CSMD1: variants seen among roughly 807,000 people sequenced by gnomAD.
CSMD1 encodes the protein CUB and Sushi multiple domains 1, also known as CUB and sushi domain-containing protein 1.
In CSMD1, 213 loss-of-function variants were observed where a neutral mutation model predicts 417.5. The observed-to-expected ratio is 0.51, with a 90% CI of 0.46 to 0.57. The LOEUF (loss-of-function observed/expected upper bound fraction) is 0.57, where lower values mean the gene tolerates loss of function less well. Ranked by LOEUF, CSMD1 falls within the 20% of genes least tolerant of loss-of-function variation. The pLI is 0.00. For synonymous variants in CSMD1, 2,862 were observed against 1,736.8 expected, an observed-to-expected ratio of 1.65 and a Z score of -16.11; for missense variants, 6,923 against 4,529.7, an observed-to-expected ratio of 1.53 and a Z score of -15.17.
intron 32 of CSMD1, among the ~76,000 whole-genome samples, chr8:3,200,644 A>G (rs1485466846): frequency 6.6e-6 from 1 of 151,944 alleles, no homozygotes; most frequent in Non-Finnish European, 1.5e-5. Flanking sequence ...TGTGTCAAGC[A>G]GTGGTGGGAG....
intron 3 of CSMD1, among the ~76,000 whole-genome samples, chr8:4,318,658 T>TTC (rs35236543): frequency 0.71 from 106,950 of 151,286 alleles, 41,573 homozygotes; most frequent in East Asian, 0.99. Flanking sequence ...ACGTCACTGA[T>TTC]TGTTTTTGAT....
At chr8:3,158,720 C>G (rs997916816) in intron 38 of CSMD1, among the ~76,000 whole-genome samples, 13 of 151,972 alleles carry the variant, frequency 8.6e-5, no homozygotes, top group African/African-American at 3.1e-4. Flanking sequence ...AGAGGTGATC[C>G]ATGAGACCTC....
chr8:4,029,796 T>A (rs1468131207), intron 4 of CSMD1, among the ~76,000 whole-genome samples: 5 of 152,180 alleles, frequency 3.3e-5, no homozygotes, highest in African/African-American at 1.2e-4. Flanking sequence ...AGTATCTTCC[T>A]CTTATGAACC....
intron 3 of CSMD1, among the ~76,000 whole-genome samples, chr8:4,212,636 C>G (rs535053011): frequency 1.3e-5 from 2 of 151,686 alleles, no homozygotes; most frequent in South Asian, 4.2e-4. Flanking sequence ...ACTACTGCCA[C>G]CATGTTATCA....
At chr8:3,689,221 C>A (rs1431077340) in intron 7 of CSMD1, among the ~76,000 whole-genome samples, 5 of 152,204 alleles carry the variant, frequency 3.3e-5, no homozygotes, top group Non-Finnish European at 7.3e-5. Flanking sequence ...CACCTCCCCA[C>A]CTTCTAACTT....
intron 3 of CSMD1, among the ~76,000 whole-genome samples, chr8:4,314,248 G>A (rs531468239): frequency 6.6e-6 from 1 of 152,044 alleles, no homozygotes; most frequent in South Asian, 2.1e-4. Flanking sequence ...ATGCCACATG[G>A]AATACAACAG....
intron 30 of CSMD1, among the ~76,000 whole-genome samples, chr8:3,209,512 G>T (rs1797483467): frequency 6.6e-6 from 1 of 151,920 alleles, no homozygotes; most frequent in South Asian, 2.1e-4. Flanking sequence ...GTGGAAACGG[G>T]GTTTCACCAT....
At chr8:3,837,110 T>C (rs1214097139) in intron 5 of CSMD1, among the ~76,000 whole-genome samples, 1 of 150,940 alleles carries the variant, frequency 6.6e-6, no homozygotes, top group Non-Finnish European at 1.5e-5. Flanking sequence ...TAGATTACCA[T>C]TCAGTATTAA....
intron 5 of CSMD1, among the ~76,000 whole-genome samples, chr8:3,937,803 C>A (rs2930333): frequency 3.9e-5 from 6 of 152,010 alleles, no homozygotes; most frequent in Non-Finnish European, 8.8e-5. Flanking sequence ...AATGTTACTT[C>A]AATTACTGCT....
chr8:3,564,380 A>G (rs1799604682), intron 10 of CSMD1, among the ~76,000 whole-genome samples: 1 of 152,212 alleles, frequency 6.6e-6, no homozygotes, highest in East Asian at 1.9e-4. Flanking sequence ...AAACCTAGAC[A>G]TTCATTCACT....
chr8:2,968,081 T>C (rs591987), intron 57 of CSMD1, among the ~76,000 whole-genome samples: 28,374 of 152,102 alleles, frequency 0.19, 2,824 homozygotes, highest in East Asian at 0.41. Flanking sequence ...TATTTACCAA[T>C]CCAGAAGCAC....
intron 3 of CSMD1, among the ~76,000 whole-genome samples, chr8:4,203,706 A>G (rs902952651): frequency 1.3e-5 from 2 of 152,244 alleles, no homozygotes; most frequent in South Asian, 4.1e-4. Flanking sequence ...ACACAAACAT[A>G]CACACACATA....
chr8:4,306,474 C>T (rs1007335827), intron 3 of CSMD1, among the ~76,000 whole-genome samples: 12 of 152,174 alleles, frequency 7.9e-5, no homozygotes, highest in African/African-American at 2.7e-4. Context: ...ATTGTGAATG[C>T]CTCAGCAGGG....
At chr8:4,100,637 T>C (rs868681975) in intron 3 of CSMD1, among the ~76,000 whole-genome samples, 5 of 152,128 alleles carry the variant, frequency 3.3e-5, no homozygotes, top group Non-Finnish European at 7.3e-5. Context: ...GGGATAAGTA[T>C]GTCCATCATT....
intron 9 of CSMD1, among the ~76,000 whole-genome samples, chr8:3,581,493 G>A (rs529499977): frequency 1.3e-5 from 2 of 152,304 alleles, no homozygotes; most frequent in East Asian, 1.9e-4. Context: ...CAGATGGAAG[G>A]ATCACTTCTG....
At chr8:4,637,656 T>A (rs1354422123) in intron 1 of CSMD1, 98 bp from the exon 2 acceptor site, 1 of 333,386 alleles carries the variant, frequency 3.0e-6, no homozygotes, top group Non-Finnish European at 4.8e-6. Flanking sequence ...TTTTTTTTTT[T>A]TTTTTTTTTT....
chr8:4,676,587 C>T (rs1021154798), intron 1 of CSMD1, among the ~76,000 whole-genome samples: 1 of 152,186 alleles, frequency 6.6e-6, no homozygotes, highest in Admixed American at 6.5e-5. Flanking sequence ...ACCACGGCAC[C>T]CTTTAACGGA....
intron 5 of CSMD1, among the ~76,000 whole-genome samples, chr8:3,815,400 T>A (rs61451314): frequency 4.6e-5 from 7 of 152,300 alleles, no homozygotes; most frequent in Admixed American, 1.3e-4. Flanking sequence ...AAATCTGGAA[T>A]GAATTGAGAT....
At chr8:4,479,713 G>A (rs1800986165) in intron 2 of CSMD1, among the ~76,000 whole-genome samples, 1 of 152,020 alleles carries the variant, frequency 6.6e-6, no homozygotes, top group Non-Finnish European at 1.5e-5. Context: ...GGCCAACATG[G>A]TGAAACCCCG....
Sources: allele counts gnomAD v4.1 joint callset (sites outside exome capture counted in the v4.1 genomes callset), GRCh38; gene constraint gnomAD v4.1.1; transcripts MANE v1.5; gene names NCBI Gene and HGNC (gene_info 2026-07-23, HGNC 2026-07-21).